Variants in HACD2 observed in about 807,000 individuals in gnomAD.
HACD2 encodes 3-hydroxyacyl-CoA dehydratase 2.
In HACD2, 15 loss-of-function variants were observed where a neutral mutation model predicts 31.0. That is an observed-to-expected ratio of 0.48 (90% CI 0.32 to 0.75). HACD2 has a LOEUF of 0.75. Ranked by LOEUF, HACD2 falls within the 30% of genes least tolerant of loss-of-function variation. HACD2 has a pLI of 0.03. For synonymous variants in HACD2, 115 were observed against 122.2 expected, an observed-to-expected ratio of 0.94 and a Z score of 0.39; for missense variants, 283 against 313.0, an observed-to-expected ratio of 0.90 and a Z score of 0.72.
intron 2 of HACD2, among the ~76,000 whole-genome samples, chr3:123,579,766 G>A (rs2056946075): frequency 1.3e-5 from 2 of 152,124 alleles, no homozygotes; most frequent in East Asian, 1.9e-4. Context: ...TACTGGCCAA[G>A]GTTCTGAAAG....
intron 4 of HACD2, among the ~76,000 whole-genome samples, chr3:123,527,571 T>A (rs1256822496): frequency 1.3e-5 from 2 of 152,206 alleles, no homozygotes; most frequent in Non-Finnish European, 2.9e-5. Context: ...GTAGTGATGC[T>A]GGCAATTCAG....
intron 3 of HACD2, among the ~76,000 whole-genome samples, chr3:123,552,179 A>G (rs998857544): frequency 3.3e-5 from 5 of 152,152 alleles, no homozygotes; most frequent in Non-Finnish European, 7.3e-5. Flanking sequence ...ACTGAAAAAC[A>G]TCTTATTTGG....
intron 3 of HACD2, among the ~76,000 whole-genome samples, chr3:123,558,255 G>A (rs1166815251): frequency 6.6e-6 from 1 of 152,200 alleles, no homozygotes; most frequent in Non-Finnish European, 1.5e-5. Flanking sequence ...CCAGGGCTCT[G>A]GGGGATAAAC....
chr3:123,506,659 T>TAA (rs2055979155), intron 4 of HACD2, among the ~76,000 whole-genome samples: 1 of 152,102 alleles, frequency 6.6e-6, no homozygotes, highest in South Asian at 2.1e-4. Flanking sequence ...GGTCTTGAAC[T>TAA]CCTAGACTCA....
At chr3:123,556,342 T>C (rs1276007544) in intron 3 of HACD2, among the ~76,000 whole-genome samples, 2 of 148,034 alleles carry the variant, frequency 1.4e-5, no homozygotes, top group African/African-American at 5.0e-5. Context: ...GAAGCTGAGG[T>C]GGGAGGATCA....
At chr3:123,552,065 G>A (rs1380968986) in intron 3 of HACD2, among the ~76,000 whole-genome samples, 1 of 152,150 alleles carries the variant, frequency 6.6e-6, no homozygotes, top group Non-Finnish European at 1.5e-5. Context: ...GGAAAGTGAG[G>A]AGAATTTGGA....
At chr3:123,497,443 T>C (rs2055847600) in intron 6 of HACD2, among the ~76,000 whole-genome samples, 1 of 152,114 alleles carries the variant, frequency 6.6e-6, no homozygotes, top group Non-Finnish European at 1.5e-5. Flanking sequence ...TCTTCCCCTC[T>C]GGGGAGAGAA....
Position 123,492,600 on chromosome 3 carries a change from G to T in HACD2, c.*2288C>A, listed in dbSNP as rs1184806170. 1 of 152,180 alleles carries T rather than the reference G, an allele frequency of 6.6e-6. No homozygotes were observed. Among genetic ancestry groups the T allele is most frequent in the East Asian group, 1.9e-4 (1 of 5,194 alleles). The allele number at this position is 152,180 out of a possible 1,614,324, so 9.4% of individuals were successfully genotyped here. On this transcript the variant is annotated 3_prime_UTR_variant, in exon 7 of 7. Coordinates refer to ENST00000383657, the MANE Select transcript of HACD2 (RefSeq NM_198402.5). ...TGAGACCCTTTTTGAAAAGGGAGCT[G>T]TGTGCTGTGTTCTCATTGCCAAAGT...
At chr3:123,507,828 T>A (rs1256473778) in intron 4 of HACD2, among the ~76,000 whole-genome samples, 2 of 152,180 alleles carry the variant, frequency 1.3e-5, no homozygotes, top group Non-Finnish European at 2.9e-5. Context: ...CACAGCTTGG[T>A]ACATTTACTA....
intron 3 of HACD2, among the ~76,000 whole-genome samples, chr3:123,566,355 G>A (rs555950904): frequency 6.6e-6 from 1 of 152,088 alleles, no homozygotes; most frequent in South Asian, 2.1e-4. Context: ...TGTGATCGTG[G>A]CTCACTGAAG....
chr3:123,501,628 G>T (rs536510029), intron 5 of HACD2, among the ~76,000 whole-genome samples: 78 of 152,316 alleles, frequency 5.1e-4, no homozygotes, highest in African/African-American at 1.9e-3. Context: ...GTGGATGAAA[G>T]AATCTTTCTC....
chr3:123,548,874 T>C (rs1156684783), intron 3 of HACD2, among the ~76,000 whole-genome samples: 1 of 151,734 alleles, frequency 6.6e-6, no homozygotes, highest in African/African-American at 2.4e-5. Flanking sequence ...ATCCTCCAGC[T>C]TTGGCCTCCC....
chr3:123,521,255 A>G (rs1244999549), intron 4 of HACD2, among the ~76,000 whole-genome samples: 1 of 152,146 alleles, frequency 6.6e-6, no homozygotes, highest in Non-Finnish European at 1.5e-5. Flanking sequence ...TAGAAGGCTA[A>G]CCAAAATGCT....
chr3:123,517,106 T>C (rs1019321513), intron 4 of HACD2, among the ~76,000 whole-genome samples: 2 of 152,258 alleles, frequency 1.3e-5, no homozygotes, highest in African/African-American at 2.4e-5. Flanking sequence ...ATTCAATTTA[T>C]TGAGATCCTA....
chr3:123,556,255 G>A (rs532413871), intron 3 of HACD2, among the ~76,000 whole-genome samples: 2 of 151,990 alleles, frequency 1.3e-5, no homozygotes, highest in South Asian at 2.1e-4. Context: ...CTGGCAACAC[G>A]GAGAAGTCCC....
intron 6 of HACD2, among the ~76,000 whole-genome samples, chr3:123,496,967 C>T (rs2055840806): frequency 6.6e-6 from 1 of 152,196 alleles, no homozygotes; most frequent in Non-Finnish European, 1.5e-5. Context: ...GGGCCTGCCA[C>T]CTATCAGAAG....
At chr3:123,557,146 T>C (rs1379296042) in intron 3 of HACD2, among the ~76,000 whole-genome samples, 2 of 152,258 alleles carry the variant, frequency 1.3e-5, no homozygotes, top group African/African-American at 4.8e-5. Context: ...TGAGTATCAC[T>C]GCCTGAGCTC....
intron 2 of HACD2, among the ~76,000 whole-genome samples, chr3:123,575,431 T>C (rs1037832196): frequency 4.6e-5 from 7 of 152,148 alleles, no homozygotes; most frequent in Non-Finnish European, 8.8e-5. Flanking sequence ...GTAAATAAAA[T>C]TAAAAACTCA....
chr3:123,528,637 C>CA (rs2056314411), intron 3 of HACD2, among the ~76,000 whole-genome samples, 163 bp from the exon 4 acceptor site: 2 of 152,154 alleles, frequency 1.3e-5, no homozygotes, highest in Non-Finnish European at 2.9e-5. Flanking sequence ...ATGTAGTCCA[C>CA]ATTAAAACAA....
Sources: gnomAD v4.1 joint callset for allele counts (sites outside exome capture counted in the v4.1 genomes callset) on GRCh38, gnomAD v4.1.1 for gene constraint, MANE v1.5 for transcripts, NCBI Gene and HGNC (gene_info 2026-07-23, HGNC 2026-07-21) for gene names.